Variants in CDC42SE2 observed in about 807,000 individuals in gnomAD.
CDC42SE2 encodes CDC42 small effector 2, also known as CDC42 small effector protein 2.
A neutral mutation model predicts 11.5 loss-of-function variants in CDC42SE2; 3 were observed. That is an observed-to-expected ratio of 0.26 (90% CI 0.12 to 0.67). The LOEUF is 0.67. Among genes scored for constraint, CDC42SE2 ranks in the 30% least tolerant of loss-of-function variants. The pLI, the probability that CDC42SE2 is intolerant of heterozygous loss-of-function variation, is 0.80. For synonymous variants in CDC42SE2, 33 were observed against 34.8 expected, an observed-to-expected ratio of 0.95 and a Z score of 0.18; for missense variants, 82 against 106.8, an observed-to-expected ratio of 0.77 and a Z score of 1.02.
At chr5:131,322,245 A>G (rs1758207666) in intron 2 of CDC42SE2, among the ~76,000 whole-genome samples, 1 of 152,208 alleles carries the variant, frequency 6.6e-6, no homozygotes, top group Admixed American at 6.5e-5. Context: ...AAGTATGTTC[A>G]CATTGCTGTG....
intron 1 of CDC42SE2, among the ~76,000 whole-genome samples, chr5:131,308,463 T>C (rs559661874): frequency 6.6e-6 from 1 of 152,114 alleles, no homozygotes; most frequent in East Asian, 1.9e-4. Context: ...TGAAAGTAGT[T>C]TTTTCCAATT....
At chr5:131,355,387 G>A (rs1455165945) in intron 2 of CDC42SE2, among the ~76,000 whole-genome samples, 2 of 152,038 alleles carry the variant, frequency 1.3e-5, no homozygotes, top group East Asian at 3.9e-4. Flanking sequence ...TGAGGTGGGA[G>A]GATCATTTGA....
the CDC42SE2 span, among the ~76,000 whole-genome samples, chr5:131,235,077 G>C: frequency 1.3e-5 from 2 of 151,794 alleles, no homozygotes; most frequent in Admixed American, 1.3e-4. Context: ...TTTTAGTAGA[G>C]AAGCGGTTTC....
chr5:131,338,238 A>T (rs1191703724), intron 2 of CDC42SE2, among the ~76,000 whole-genome samples: 4 of 152,244 alleles, frequency 2.6e-5, no homozygotes, highest in African/African-American at 4.8e-5. Context: ...ACACCAGCAC[A>T]TGGCAGTCCT....
At chr5:131,244,733 C>T (rs963713496), upstream of CDC42SE2, among the ~76,000 whole-genome samples, 3 of 151,974 alleles carry the variant, frequency 2.0e-5, no homozygotes, top group Admixed American at 1.3e-4. Flanking sequence ...AGAGGGGCTG[C>T]TGAGGAATAT....
At chr5:131,307,122 T>C (rs1757795405) in intron 1 of CDC42SE2, among the ~76,000 whole-genome samples, 1 of 151,988 alleles carries the variant, frequency 6.6e-6, no homozygotes. Flanking sequence ...TTGTGCAGGT[T>C]AGTTACATAT....
intron 1 of CDC42SE2, among the ~76,000 whole-genome samples, chr5:131,312,806 C>G (rs986628541): frequency 2.0e-5 from 3 of 152,120 alleles, no homozygotes. Context: ...GGCTTGCAAA[C>G]GGTGTGCGCA....
intron 1 of CDC42SE2, among the ~76,000 whole-genome samples, chr5:131,313,114 C>CT (rs1382644810): frequency 2.0e-5 from 3 of 151,984 alleles, no homozygotes; most frequent in Non-Finnish European, 4.4e-5. Context: ...TCCCTTGTAG[C>CT]TGGGACTACA....
At chr5:131,377,759 C>T (rs796984166) in intron 3 of CDC42SE2, among the ~76,000 whole-genome samples, 4 of 152,316 alleles carry the variant, frequency 2.6e-5, no homozygotes, top group African/African-American at 9.6e-5. Flanking sequence ...GAGCACACAG[C>T]ATTTCTATGA....
chr5:131,357,648 A>G (rs889090907), intron 2 of CDC42SE2, among the ~76,000 whole-genome samples: 2 of 152,230 alleles, frequency 1.3e-5, no homozygotes, highest in Non-Finnish European at 2.9e-5. Context: ...AAATGTTAAC[A>G]TCTCTTTGAA....
intron 1 of CDC42SE2, among the ~76,000 whole-genome samples, chr5:131,267,631 C>T (rs1756897213): frequency 6.6e-6 from 1 of 152,146 alleles, no homozygotes; most frequent in Non-Finnish European, 1.5e-5. Context: ...ATGATACTAA[C>T]ATGGCATATT....
At chr5:131,334,711 G>T (rs891765144) in intron 2 of CDC42SE2, among the ~76,000 whole-genome samples, 6 of 152,154 alleles carry the variant, frequency 3.9e-5, no homozygotes, top group African/African-American at 1.2e-4. Context: ...TATGTGTCAA[G>T]GAATTTATCC....
At chr5:131,266,589 A>G (rs896879811) in intron 1 of CDC42SE2, among the ~76,000 whole-genome samples, 6 of 150,602 alleles carry the variant, frequency 4.0e-5, no homozygotes, top group Non-Finnish European at 7.4e-5. Context: ...CCTCCCATGT[A>G]GCTGGGATTA....
At chr5:131,305,121 A>G (rs1757754971) in intron 1 of CDC42SE2, among the ~76,000 whole-genome samples, 2 of 152,176 alleles carry the variant, frequency 1.3e-5, no homozygotes, top group Admixed American at 1.3e-4. Context: ...TATACAGTAT[A>G]TACTCTTTGT....
chr5:131,321,657 G>T (rs967543730), intron 2 of CDC42SE2, among the ~76,000 whole-genome samples: 12 of 152,134 alleles, frequency 7.9e-5, no homozygotes, highest in Non-Finnish European at 1.3e-4. Flanking sequence ...AATATTAGGG[G>T]CTGTATTGAG....
rs200357029 is a variant in CDC42SE2 at position 131,286,393 on chromosome 5, T to TTTTG, written c.-455+22230_-455+22231insGTTT. Among the ~76,000 whole-genome samples, 519 of 149,568 alleles carry TTTTG rather than the reference T, an allele frequency of 3.5e-3. 4 individuals carry two copies. Among genetic ancestry groups the TTTTG allele is most frequent in the African/African-American group, 0.012 (491 of 40,562 alleles). On this transcript the variant is annotated intron_variant, in intron 1 of 4. Coordinates refer to ENST00000505065, the MANE Select transcript of CDC42SE2 (RefSeq NM_001375635.1). Reference sequence around the variant, plus strand: ...GCAAATGCACCTGGCCAGTTTTTTTTTTTTTTTTTTTTTTTAAATAAAGCA... The same window carrying TTTTG: ...GCAAATGCACCTGGCCAGTTTTTTTTTTTGTTTTTTTTTTTTTTTAAATAAAGCA...
At chr5:131,315,225 T>G (rs918766125) in intron 1 of CDC42SE2, among the ~76,000 whole-genome samples, 1 of 152,114 alleles carries the variant, frequency 6.6e-6, no homozygotes, top group Non-Finnish European at 1.5e-5. Context: ...TTGGACGCTT[T>G]TAGATGAACT....
At chr5:131,341,306 A>G (rs1758706723) in intron 2 of CDC42SE2, among the ~76,000 whole-genome samples, 1 of 152,238 alleles carries the variant, frequency 6.6e-6, no homozygotes, top group South Asian at 2.1e-4. Flanking sequence ...GAAGGGAAAT[A>G]CATCACACAC....
At chr5:131,344,491 G>A (rs245796) in intron 2 of CDC42SE2, among the ~76,000 whole-genome samples, 65,377 of 152,044 alleles carry the variant, frequency 0.43, 18,055 homozygotes, top group African/African-American at 0.79. Context: ...TAGGTAAAAA[G>A]AGCGGCCAGG....
Sources: allele counts gnomAD v4.1 joint callset (sites outside exome capture counted in the v4.1 genomes callset), GRCh38; gene constraint gnomAD v4.1.1; transcripts MANE v1.5; gene names NCBI Gene and HGNC (gene_info 2026-07-23, HGNC 2026-07-21).